CAMK1D: variants seen among roughly 807,000 people sequenced by gnomAD.
CAMK1D encodes the protein calcium/calmodulin-dependent protein kinase type 1D.
In CAMK1D, 9 loss-of-function variants were observed where a neutral mutation model predicts 47.7. The observed-to-expected ratio is 0.19, with a 90% CI of 0.11 to 0.33. CAMK1D has a LOEUF of 0.33. CAMK1D is among the 10% of genes least tolerant of loss of function. The pLI, the probability that CAMK1D is intolerant of heterozygous loss-of-function variation, is 1.00. For synonymous variants in CAMK1D, 184 were observed against 184.9 expected (o/e 0.99, Z 0.04); for missense variants, 291 against 488.7 (o/e 0.60, Z 3.81).
At chr10:12,492,347 CAAAAA>C (rs71384332) in intron 1 of CAMK1D, among the ~76,000 whole-genome samples, 3 of 110,426 alleles carry the variant, frequency 2.7e-5, no homozygotes, top group Admixed American at 9.4e-5. Context: ...CACCTCATCT[CAAAAA>C]AAAAAAAAAA....
intron 3 of CAMK1D, among the ~76,000 whole-genome samples, chr10:12,739,094 A>C (rs554025545): frequency 1.3e-5 from 2 of 150,336 alleles, no homozygotes; most frequent in Non-Finnish European, 3.0e-5. Context: ...AATATTAGCC[A>C]GGCGTGGTGG....
intron 2 of CAMK1D, among the ~76,000 whole-genome samples, chr10:12,590,352 G>A (rs1037450619): frequency 3.9e-5 from 6 of 152,068 alleles, no homozygotes; most frequent in South Asian, 2.1e-4. Context: ...CGAGTAGCTC[G>A]GACTGTGGGT....
chr10:12,516,646 CTT>C (rs1392659647), intron 1 of CAMK1D, among the ~76,000 whole-genome samples: 1 of 152,166 alleles, frequency 6.6e-6, no homozygotes, highest in Non-Finnish European at 1.5e-5. Context: ...CTTGTTAGCT[CTT>C]GTTATTGTCA....
intron 1 of CAMK1D, among the ~76,000 whole-genome samples, chr10:12,421,938 TC>T (rs1409021305): frequency 1.3e-5 from 2 of 152,054 alleles, no homozygotes; most frequent in African/African-American, 4.8e-5. Context: ...CGCCTCAGCC[TC>T]CCGAGTAGCT....
At chr10:12,445,070 A>G (rs557823663) in intron 1 of CAMK1D, among the ~76,000 whole-genome samples, 2 of 152,364 alleles carry the variant, frequency 1.3e-5, no homozygotes, top group African/African-American at 2.4e-5. Context: ...ACATGATGCT[A>G]TACTAGAGAC....
At chr10:12,380,350 G>C (rs1838304424) in intron 1 of CAMK1D, among the ~76,000 whole-genome samples, 1 of 152,164 alleles carries the variant, frequency 6.6e-6, no homozygotes, top group Non-Finnish European at 1.5e-5. Context: ...ATAAATATGA[G>C]AGTAAAGGTT....
At chr10:12,648,466 T>C (rs1177153371) in intron 2 of CAMK1D, among the ~76,000 whole-genome samples, 1 of 152,162 alleles carries the variant, frequency 6.6e-6, no homozygotes, top group Non-Finnish European at 1.5e-5. Flanking sequence ...TATTTATTTA[T>C]TTATTTACTT....
chr10:12,420,725 C>T (rs1031951557), intron 1 of CAMK1D, among the ~76,000 whole-genome samples: 5 of 152,134 alleles, frequency 3.3e-5, no homozygotes, highest in African/African-American at 1.2e-4. Context: ...GCCATGAAGA[C>T]CAGTGCCAAG....
At chr10:12,352,197 C>G (rs917879444) in intron 1 of CAMK1D, among the ~76,000 whole-genome samples, 3 of 152,166 alleles carry the variant, frequency 2.0e-5, no homozygotes, top group African/African-American at 7.2e-5. Context: ...ATAGGCAGAG[C>G]AACTTTTGAT....
intron 2 of CAMK1D, among the ~76,000 whole-genome samples, chr10:12,569,576 G>A (rs1435300974): frequency 6.7e-5 from 10 of 149,970 alleles, no homozygotes; most frequent in Admixed American, 4.6e-4. Context: ...AAAATTAGCC[G>A]GGCTTGGTGG....
chr10:12,660,400 T>C (rs532474642), intron 2 of CAMK1D, among the ~76,000 whole-genome samples: 50 of 152,326 alleles, frequency 3.3e-4, no homozygotes, highest in African/African-American at 1.2e-3. Flanking sequence ...GGCTGACCCT[T>C]TGGGTCCTGA....
In CAMK1D at chr10:12,669,989, G is replaced by A. The variant is rs78664904; in HGVS notation, c.299+3179G>A. Among the ~76,000 whole-genome samples, 830 of 152,122 alleles carry A rather than the reference G, an allele frequency of 5.5e-3. 6 individuals are homozygous for A. Among genetic ancestry groups the A allele is most frequent in the African/African-American group, 0.019 (772 of 41,490 alleles). On this transcript the variant is annotated intron_variant, in intron 3 of 10. Transcript: ENST00000619168. ...TCTATCGAGTGAAGTTGCTGTGAAC[G>A]TTCACGTACAGGTCTTTGTGTGCAT...
At chr10:12,389,269 C>T (rs1228665358) in intron 1 of CAMK1D, among the ~76,000 whole-genome samples, 2 of 152,124 alleles carry the variant, frequency 1.3e-5, no homozygotes, top group Non-Finnish European at 2.9e-5. Flanking sequence ...TTGGCGGTGG[C>T]GCGTGCCAGC....
rs183354202 is a variant in CAMK1D, at chr10:12,545,918, G to A, written c.93-7307G>A. ...ACAAAGGCCAGTGGCGTGAAAGGCCGCTGTGTGTTTTGGAAACTAGCTGTT... is the reference window on the plus strand; with the variant it reads ...ACAAAGGCCAGTGGCGTGAAAGGCCACTGTGTGTTTTGGAAACTAGCTGTT... On this transcript the variant is annotated intron_variant, in intron 1 of 10. Coordinates refer to ENST00000619168, the MANE Select transcript of CAMK1D (RefSeq NM_153498.4). 9.2e-5 allele frequency among the ~76,000 whole-genome samples: 14 copies of A among 152,288 alleles called. No homozygotes were observed. In the East Asian group the frequency reaches 2.3e-3, roughly 25 times the overall value.
chr10:12,531,845 G>A (rs778194673), intron 1 of CAMK1D, among the ~76,000 whole-genome samples: 9 of 152,234 alleles, frequency 5.9e-5, no homozygotes, highest in Non-Finnish European at 8.8e-5. Flanking sequence ...TCCTACCTGG[G>A]TGGTTGGTAC....
At chr10:12,811,398 G>A (rs930719501) in intron 6 of CAMK1D, among the ~76,000 whole-genome samples, 2 of 152,298 alleles carry the variant, frequency 1.3e-5, no homozygotes, top group South Asian at 4.1e-4. Flanking sequence ...TGGCCAGGGA[G>A]CTCTCTGAAA....
intron 2 of CAMK1D, among the ~76,000 whole-genome samples, chr10:12,584,174 G>A (rs1486064820): frequency 5.3e-5 from 8 of 152,174 alleles, no homozygotes; most frequent in Non-Finnish European, 4.4e-5. Context: ...ACTTGTGTGA[G>A]TACTTAACTG....
chr10:12,827,353 C>CCTT (rs1833264432), intron 10 of CAMK1D, among the ~76,000 whole-genome samples: 1 of 74,724 alleles, frequency 1.3e-5, no homozygotes. Flanking sequence ...CTTCCTTCTT[C>CCTT]CTTTCTTTCT....
intron 2 of CAMK1D, among the ~76,000 whole-genome samples, chr10:12,584,806 C>T (rs1311091934): frequency 6.6e-6 from 1 of 152,048 alleles, no homozygotes; most frequent in East Asian, 1.9e-4. Flanking sequence ...GGTGACAGAG[C>T]AAGACCTTGT....
Sources: allele counts gnomAD v4.1 joint callset (sites outside exome capture counted in the v4.1 genomes callset), GRCh38; gene constraint gnomAD v4.1.1; transcripts MANE v1.5; gene names NCBI Gene and HGNC (gene_info 2026-07-23, HGNC 2026-07-21).